Variants in CADPS observed in about 807,000 individuals in gnomAD.
The protein encoded by CADPS is calcium dependent secretion activator, also known as calcium-dependent secretion activator 1.
Under a neutral mutation model 167.3 loss-of-function variants are expected in CADPS, and 57 were observed. The observed-to-expected ratio is 0.34, with a 90% confidence interval of 0.28 to 0.42. The LOEUF (loss-of-function observed/expected upper bound fraction) is 0.42, where lower values mean the gene tolerates loss of function less well. CADPS is among the 20% of genes least tolerant of loss of function. The pLI is 1.00. For missense variants in CADPS, 1,414 were observed against 1,738.1 expected, an observed-to-expected ratio of 0.81 and a Z score of 3.32; for synonymous variants, 676 against 635.3, an observed-to-expected ratio of 1.06 and a Z score of -0.96.
At chr3:62,553,084 C>A (rs184852967) in intron 10 of CADPS, among the ~76,000 whole-genome samples, 1 of 152,128 alleles carries the variant, frequency 6.6e-6, no homozygotes, top group Admixed American at 6.6e-5. Context: ...AGCCTAGTCT[C>A]GTGGTATCCT....
At chr3:62,524,357 C>T (rs1472041278) in intron 13 of CADPS, among the ~76,000 whole-genome samples, 1 of 152,144 alleles carries the variant, frequency 6.6e-6, no homozygotes, top group Non-Finnish European at 1.5e-5. Context: ...CCAGCCTCAC[C>T]CCTTCCTCTC....
chr3:62,865,269 A>G (rs1021413221), intron 1 of CADPS, among the ~76,000 whole-genome samples: 3 of 152,116 alleles, frequency 2.0e-5, no homozygotes, highest in African/African-American at 7.2e-5. Context: ...CTTAAGAGGC[A>G]TAGTAGATTC....
At chr3:62,506,853 A>G (rs2066776399) in intron 17 of CADPS, among the ~76,000 whole-genome samples, 1 of 152,190 alleles carries the variant, frequency 6.6e-6, no homozygotes, top group African/African-American at 2.4e-5. Context: ...TTTTTCTTCT[A>G]GAGTCATTAG....
At position 62,622,173 on chromosome 3, in the gene CADPS, C is replaced by T. The variant is rs977132805; in HGVS notation, c.1325+23549G>A. 7.2e-5 allele frequency among the ~76,000 whole-genome samples: 11 copies of T among 152,212 alleles called. 2 individuals are homozygous for T. The South Asian group carries it at 1.7e-3, about 23-fold the overall frequency. On this transcript the variant is annotated intron_variant, in intron 6 of 29. Coordinates refer to ENST00000383710, the MANE Select transcript of CADPS (RefSeq NM_003716.4). ...GTCTGTATCTCCAGAGAATCAGCCC[C>T]GAGCTGTATGCTGAGTGGGCCCTCC...
chr3:62,658,778 C>A (rs1381479727), intron 4 of CADPS, among the ~76,000 whole-genome samples: 1 of 152,122 alleles, frequency 6.6e-6, no homozygotes, highest in East Asian at 1.9e-4. Context: ...GACTTTCACC[C>A]CTTTTTCCAT....
chr3:62,841,793 C>T (rs923074617), intron 1 of CADPS, among the ~76,000 whole-genome samples: 2 of 152,168 alleles, frequency 1.3e-5, no homozygotes, highest in Non-Finnish European at 2.9e-5. Flanking sequence ...CCTAAGAAGG[C>T]ACCTTGGAAC....
chr3:62,662,512 A>G, intron 3 of CADPS, 118 bp from the exon 4 acceptor site: 1 of 818,750 alleles, frequency 1.2e-6, no homozygotes, highest in East Asian at 2.6e-5. Flanking sequence ...CAGTTAAAAA[A>G]AAATTCTTAT....
At chr3:62,685,128 C>T (rs1192388082) in intron 3 of CADPS, among the ~76,000 whole-genome samples, 1 of 152,040 alleles carries the variant, frequency 6.6e-6, no homozygotes, top group Non-Finnish European at 1.5e-5. Flanking sequence ...ATTCACAACA[C>T]ACCTACTTTG....
intron 28 of CADPS, among the ~76,000 whole-genome samples, chr3:62,437,580 T>C (rs2055390301): frequency 1.3e-5 from 2 of 152,100 alleles, no homozygotes; most frequent in Admixed American, 6.6e-5. Context: ...TGAGCAACTC[T>C]AATGTAAGTG....
chr3:62,461,083 G>A (rs1353028063), intron 26 of CADPS, among the ~76,000 whole-genome samples: 1 of 152,174 alleles, frequency 6.6e-6, no homozygotes, highest in Non-Finnish European at 1.5e-5. Flanking sequence ...TTTAGTGAAG[G>A]AAGAATTCAC....
chr3:62,594,009 TATA>T (rs1274070243), intron 6 of CADPS, among the ~76,000 whole-genome samples: 10 of 152,266 alleles, frequency 6.6e-5, no homozygotes, highest in East Asian at 1.9e-4. Flanking sequence ...AGATGCCAAA[TATA>T]ATGTCTTTTA....
intron 21 of CADPS, among the ~76,000 whole-genome samples, chr3:62,488,736 C>A (rs576369067): frequency 2.0e-5 from 3 of 152,074 alleles, no homozygotes; most frequent in Non-Finnish European, 4.4e-5. Context: ...GTGATCCTCT[C>A]GCCTTGGCCC....
intron 26 of CADPS, among the ~76,000 whole-genome samples, chr3:62,456,925 C>T (rs999555011): frequency 6.6e-6 from 1 of 152,102 alleles, no homozygotes; most frequent in African/African-American, 2.4e-5. Flanking sequence ...CTCTCACCAG[C>T]AGGTAGGAGC....
At chr3:62,571,873 T>A (rs891771993) in intron 8 of CADPS, among the ~76,000 whole-genome samples, 1 of 152,166 alleles carries the variant, frequency 6.6e-6, no homozygotes, top group Non-Finnish European at 1.5e-5. Flanking sequence ...GTAAGGTCAA[T>A]ATTACTAATC....
chr3:62,572,793 G>A (rs867946487), intron 8 of CADPS, among the ~76,000 whole-genome samples: 14 of 152,294 alleles, frequency 9.2e-5, no homozygotes, highest in Middle Eastern at 3.4e-3. Context: ...GACCCCTGAA[G>A]ACATCAAAAT....
chr3:62,594,541 A>T (rs1227063794), intron 6 of CADPS, among the ~76,000 whole-genome samples: 1 of 152,194 alleles, frequency 6.6e-6, no homozygotes, highest in Admixed American at 6.5e-5. Flanking sequence ...TCTATTATTG[A>T]AATAGAATTG....
Position 62,538,166 on chromosome 3 carries a change from G to A in CADPS, c.1967-1585C>T, listed in dbSNP as rs146737030. Among the ~76,000 whole-genome samples the A allele has an allele frequency of 3.9e-3, 598 of 152,182 alleles. 5 individuals are homozygous for A. The highest frequency in any genetic ancestry group is 0.014 in the African/African-American group (576 of 41,528). On this transcript the variant is annotated intron_variant, in intron 11 of 29. Coordinates refer to ENST00000383710, the MANE Select transcript of CADPS (RefSeq NM_003716.4). ...GCCTCAGATTTATCCTCAGGAAAGT[G>A]CTTTCAACTTGAGGTTGGCTGCTTC...
At chr3:62,660,774 T>C (rs985540257) in intron 4 of CADPS, among the ~76,000 whole-genome samples, 2 of 152,236 alleles carry the variant, frequency 1.3e-5, no homozygotes, top group African/African-American at 4.8e-5. Context: ...ATTTTTATAT[T>C]TTATTCTTCA....
intron 7 of CADPS, 32 bp from the exon 8 acceptor site, chr3:62,585,356 A>G: frequency 6.3e-7 from 1 of 1,589,448 alleles, no homozygotes; most frequent in Non-Finnish European, 8.5e-7. Context: ...CAACTAGAAA[A>G]GAGAAGCACC....
Sources: allele counts gnomAD v4.1 joint callset (sites outside exome capture counted in the v4.1 genomes callset), GRCh38; gene constraint gnomAD v4.1.1; transcripts MANE v1.5; gene names NCBI Gene and HGNC (gene_info 2026-07-23, HGNC 2026-07-21).